The following NHSL3 variants were observed in gnomAD, a reference collection of about 807,000 sequenced individuals.
NHSL3 encodes the protein NHS like 3.
the NHSL3 span, chr1:32,772,801 G>A: frequency 6.7e-7 from 1 of 1,496,412 alleles, no homozygotes; most frequent in South Asian, 1.1e-5. Flanking sequence ...GCTTTGTTGG[G>A]CTCCTAGTGC....
chr1:32,754,387 C>T, the NHSL3 span, among the ~76,000 whole-genome samples: 1 of 152,098 alleles, frequency 6.6e-6, no homozygotes, highest in Non-Finnish European at 1.5e-5. Flanking sequence ...TCGCAGTTTA[C>T]ACAGTCACAC....
the NHSL3 span, chr1:32,765,884 A>G: frequency 6.8e-7 from 1 of 1,464,870 alleles, no homozygotes; most frequent in Non-Finnish European, 9.3e-7. Context: ...CCTTTCCCAG[A>G]CCCTTATGTA....
chr1:32,746,140 A>G, the NHSL3 span, among the ~76,000 whole-genome samples: 1 of 151,274 alleles, frequency 6.6e-6, no homozygotes, highest in Non-Finnish European at 1.5e-5. Flanking sequence ...CTGAGGCAGG[A>G]GAATGGAGTG....
At chr1:32,743,408 A>C in the NHSL3 span, among the ~76,000 whole-genome samples, 3 of 152,060 alleles carry the variant, frequency 2.0e-5, no homozygotes, top group African/African-American at 4.8e-5. Flanking sequence ...GCACAGCCAC[A>C]CATAGAAGTG....
At chr1:32,745,134 G>GA in the NHSL3 span, among the ~76,000 whole-genome samples, 12 of 136,404 alleles carry the variant, frequency 8.8e-5, no homozygotes, top group Admixed American at 2.9e-4. Context: ...AAAAAAAAAA[G>GA]AAAAAAAAAA....
chr1:32,769,726 C>T, the NHSL3 span: 48 of 1,613,432 alleles, frequency 3.0e-5, no homozygotes, highest in Admixed American at 8.3e-5. Context: ...GTCAGGGCGG[C>T]GTCGGCGGGA....
the NHSL3 span, chr1:32,772,524 C>A: frequency 2.7e-6 from 4 of 1,481,154 alleles, no homozygotes; most frequent in African/African-American, 5.6e-5. Flanking sequence ...GGGATTTGTT[C>A]TTGGATCTTT....
At chr1:32,742,255 C>T in the NHSL3 span, 9 of 1,222,980 alleles carry the variant, frequency 7.4e-6, no homozygotes, top group East Asian at 1.9e-4. Context: ...GGGGCTCTGC[C>T]GGGGGTCCGC....
the NHSL3 span, chr1:32,767,954 C>A: frequency 6.2e-7 from 1 of 1,613,224 alleles, no homozygotes; most frequent in Non-Finnish European, 8.5e-7. Flanking sequence ...CCTACAACAC[C>A]AAGGTAAGCT....
chr1:32,762,413 T>G, the NHSL3 span, among the ~76,000 whole-genome samples: 1 of 151,488 alleles, frequency 6.6e-6, no homozygotes, highest in South Asian at 2.1e-4. Context: ...GCTATGTTTT[T>G]TAGAGTTATC....
the NHSL3 span, among the ~76,000 whole-genome samples, chr1:32,750,858 C>T: frequency 6.6e-6 from 1 of 151,594 alleles, no homozygotes; most frequent in Admixed American, 6.6e-5. Flanking sequence ...GTCACCCAGG[C>T]TGGAGTGCAG....
At chr1:32,756,549 C>T in the NHSL3 span, among the ~76,000 whole-genome samples, 1 of 125,372 alleles carries the variant, frequency 8.0e-6, no homozygotes, top group South Asian at 2.8e-4. Flanking sequence ...GTCCCAGTAG[C>T]TTGAGAGGCT....
the NHSL3 span, chr1:32,742,321 G>A: frequency 2.2e-6 from 2 of 898,030 alleles, no homozygotes; most frequent in Admixed American, 4.4e-5. Flanking sequence ...AAGCGAAGAG[G>A]CCAGGGCTGA....
At chr1:32,763,833 C>T in the NHSL3 span, among the ~76,000 whole-genome samples, 1 of 152,138 alleles carries the variant, frequency 6.6e-6, no homozygotes, top group Non-Finnish European at 1.5e-5. Context: ...CTTGGCCTCC[C>T]AAAGTGCTGG....
chr1:32,761,955 G>A, the NHSL3 span, among the ~76,000 whole-genome samples: 1 of 152,162 alleles, frequency 6.6e-6, no homozygotes, highest in Non-Finnish European at 1.5e-5. Context: ...TGCACAGAAC[G>A]TGGCTTTTGG....
chr1:32,744,383 G>T, the NHSL3 span, among the ~76,000 whole-genome samples: 1 of 152,170 alleles, frequency 6.6e-6, no homozygotes, highest in South Asian at 2.1e-4. Flanking sequence ...GACATTTATT[G>T]ATTAGTCTGA....
At chr1:32,751,755 G>T in the NHSL3 span, among the ~76,000 whole-genome samples, 1 of 152,096 alleles carries the variant, frequency 6.6e-6, no homozygotes, top group African/African-American at 2.4e-5. Flanking sequence ...AGGTGTGAAC[G>T]CCTGGAGTTG....
the NHSL3 span, chr1:32,772,835 T>G: frequency 6.2e-7 from 1 of 1,612,332 alleles, no homozygotes. Context: ...GGAGGCCCCT[T>G]GCTAAGTGTC....
chr1:32,770,217 C>A, the NHSL3 span: 2 of 1,604,838 alleles, frequency 1.2e-6, no homozygotes, highest in African/African-American at 1.3e-5. The surrounding 1 kb of genome is among the most constrained non-coding windows in gnomAD (Gnocchi z 8.3). Flanking sequence ...CCATCTCCCC[C>A]CAGGCCACCT....
Sources: gnomAD v4.1 joint callset for allele counts (sites outside exome capture counted in the v4.1 genomes callset) on GRCh38, gnomAD v4.1.1 for gene constraint, Gnocchi (gnomAD v3.1) non-coding constraint, MANE v1.5 for transcripts, NCBI Gene and HGNC (gene_info 2026-07-23, HGNC 2026-07-21) for gene names.